The following PRR5L variants were observed in gnomAD, a reference collection of about 807,000 sequenced individuals.
PRR5L encodes proline rich 5 like.
A neutral mutation model predicts 36.4 loss-of-function variants in PRR5L; 21 were observed. The ratio of observed to expected loss-of-function variants is 0.58; its 90% CI spans 0.41 to 0.83. PRR5L has a LOEUF of 0.83. PRR5L is among the 40% of genes least tolerant of loss of function. The pLI, the probability that PRR5L is intolerant of heterozygous loss-of-function variation, is 0.00. For missense variants in PRR5L, 381 were observed against 473.3 expected (o/e 0.80, Z 1.81); for synonymous variants, 188 against 197.0 (o/e 0.95, Z 0.38).
intron 1 of PRR5L, among the ~76,000 whole-genome samples, chr11:36,358,034 T>G (rs1410275572): frequency 6.6e-6 from 1 of 152,214 alleles, no homozygotes; most frequent in African/African-American, 2.4e-5. Context: ...AACCTCAGCA[T>G]TAACAGGTGT....
intron 4 of PRR5L, among the ~76,000 whole-genome samples, chr11:36,426,322 A>G (rs1196688557): frequency 2.0e-5 from 3 of 147,316 alleles, no homozygotes; most frequent in African/African-American, 7.3e-5. Flanking sequence ...AACACTTCTA[A>G]TCTTTGTTAG....
chr11:36,454,730 C>G (rs1332086141), intron 8 of PRR5L: 1 of 152,382 alleles, frequency 6.6e-6, no homozygotes, highest in African/African-American at 2.4e-5. Flanking sequence ...CCCGGGGCTC[C>G]GCACTGCACC....
rs187225470 is a variant in PRR5L at position 36,457,798 on chromosome 11, T to C, written c.713-4544T>C. Among the ~76,000 whole-genome samples the C allele has an allele frequency of 7.9e-4, 121 of 152,320 alleles. 2 individuals are homozygous for C. Among genetic ancestry groups the C allele is most frequent in the Admixed American group, 5.5e-3 (84 of 15,308 alleles). The stretch of plus-strand genomic sequence containing the variant: ...CTCCCTAAACAGGTCTCGTCCTGTC[T>C]CCTGCTAGACTGGTTGTAGGGTTCA... On this transcript the variant is annotated intron_variant, in intron 8 of 8. Transcript: ENST00000530639.
chr11:36,346,190 G>T (rs762973415), intron 1 of PRR5L, among the ~76,000 whole-genome samples: 1 of 152,040 alleles, frequency 6.6e-6, no homozygotes, highest in African/African-American at 2.4e-5. Flanking sequence ...GCCCAGGCTG[G>T]TCTCAAACTC....
intron 1 of PRR5L, among the ~76,000 whole-genome samples, chr11:36,300,316 G>C (rs1458503748): frequency 6.6e-6 from 1 of 152,120 alleles, no homozygotes; most frequent in Non-Finnish European, 1.5e-5. Flanking sequence ...CACACGGTGA[G>C]AAAGGGTGCA....
intron 1 of PRR5L, among the ~76,000 whole-genome samples, chr11:36,307,367 C>T (rs1428359096): frequency 1.3e-5 from 2 of 152,212 alleles, no homozygotes; most frequent in African/African-American, 2.4e-5. Flanking sequence ...TGTTAAGACG[C>T]TTTCAACTTC....
At chr11:36,308,841 A>G (rs1856461757) in intron 1 of PRR5L, among the ~76,000 whole-genome samples, 2 of 152,224 alleles carry the variant, frequency 1.3e-5, no homozygotes, top group Non-Finnish European at 2.9e-5. Context: ...GACAGCCAAC[A>G]GAAGAGCATA....
chr11:36,358,934 G>A (rs939829514), intron 1 of PRR5L, among the ~76,000 whole-genome samples: 15 of 152,206 alleles, frequency 9.9e-5, no homozygotes, highest in Admixed American at 3.9e-4. Flanking sequence ...GAGATGTTTT[G>A]CATTTTACTT....
chr11:36,305,502 G>A (rs1431799643), intron 1 of PRR5L, among the ~76,000 whole-genome samples: 4 of 152,148 alleles, frequency 2.6e-5, no homozygotes, highest in African/African-American at 9.7e-5. Context: ...AAAAGCCATT[G>A]AATTGTATAC....
chr11:36,382,742 C>T (rs558795048), intron 1 of PRR5L, among the ~76,000 whole-genome samples: 8 of 152,316 alleles, frequency 5.3e-5, no homozygotes, highest in East Asian at 1.9e-4. Flanking sequence ...CCATGGCATC[C>T]TCCACTCTCA....
chr11:36,324,464 AAC>A (rs1315767110), intron 1 of PRR5L, among the ~76,000 whole-genome samples: 1 of 152,210 alleles, frequency 6.6e-6, no homozygotes, highest in Admixed American at 6.5e-5. Flanking sequence ...GGGTAGTGGT[AAC>A]ATCTGGGTGT....
chr11:36,336,319 TC>T (rs1383296409), intron 1 of PRR5L, among the ~76,000 whole-genome samples: 1 of 152,184 alleles, frequency 6.6e-6, no homozygotes, highest in African/African-American at 2.4e-5. Flanking sequence ...AACCTCCTTC[TC>T]CTGGGCTCAA....
In PRR5L at chr11:36,377,198, G is replaced by A. The variant is rs1361713783; in HGVS notation, c.-125-23799G>A. ...CCCCCTTTTTCTGGAGGGAGGCGTG[G>A]GAGAGAAGGGCAGGGCAGGGAGCCA... is the stretch of plus-strand genomic sequence containing the variant. On this transcript the variant is annotated intron_variant, in intron 1 of 8. Coordinates refer to ENST00000530639, the MANE Select transcript of PRR5L (RefSeq NM_001160167.2). The surrounding 1 kb of genome is among the most constrained non-coding windows in gnomAD (Gnocchi z 5.1). Among the ~76,000 whole-genome samples, 1 of 152,222 alleles carries A rather than the reference G, an allele frequency of 6.6e-6. No homozygotes were observed. Among genetic ancestry groups the A allele is most frequent in the East Asian group, 1.9e-4 (1 of 5,182 alleles).
At position 36,349,197 on chromosome 11, in the gene PRR5L, TA is replaced by T. The variant is rs567001821; in HGVS notation, c.-125-51799del. On this transcript the variant is annotated intron_variant, in intron 1 of 8. Coordinates refer to ENST00000530639, the MANE Select transcript of PRR5L (RefSeq NM_001160167.2). ...CACTTGGGAGGTTGAGGCAGGAGAA[TA>T]GCTTGAACCCGCGAGGCGGAGGTTG... 2.9e-4 allele frequency among the ~76,000 whole-genome samples: 42 copies of T among 145,256 alleles called. 1 individual carries two copies. Among genetic ancestry groups the T allele is most frequent in the African/African-American group, 1.1e-3 (42 of 38,906 alleles).
intron 4 of PRR5L, among the ~76,000 whole-genome samples, chr11:36,423,454 G>T (rs1180497244): frequency 6.6e-6 from 1 of 152,142 alleles, no homozygotes; most frequent in Non-Finnish European, 1.5e-5. Flanking sequence ...TTGGGACAAA[G>T]GTAGGACTTC....
chr11:36,383,789 G>A (rs1301321161), intron 1 of PRR5L, among the ~76,000 whole-genome samples: 1 of 148,044 alleles, frequency 6.8e-6, no homozygotes, highest in Non-Finnish European at 1.5e-5. Flanking sequence ...ACTGCCTCCC[G>A]GGTTCAAGTG....
chr11:36,401,243 C>A lies in PRR5L; in HGVS notation c.122C>A (p.Ala41Asp), dbSNP rs567974104. The A allele has an allele frequency of 3.1e-5, 50 of 1,613,280 alleles. No individual in the cohort carries two copies. The Middle Eastern group carries it at 6.6e-4, about 21-fold the overall frequency. ...AGCGACCTTCCCCGATTCCAAGCAGCTCGGCAGGCTCTGCAGCTGAGCTCC... is the reference window on the plus strand; with the variant it reads ...AGCGACCTTCCCCGATTCCAAGCAGATCGGCAGGCTCTGCAGCTGAGCTCC... ...VLSDLPRFQA[A>D]RQALQLSSSS... Residue 41 changes from alanine to aspartate, a missense_variant, in exon 2 of 9, where the codon GCT becomes GAT. Ala to Asp is a moderately radical substitution (Grantham distance 126, BLOSUM62 -2). Coordinates refer to ENST00000530639, the MANE Select transcript of PRR5L (RefSeq NM_001160167.2).
intron 1 of PRR5L, among the ~76,000 whole-genome samples, chr11:36,335,428 T>TG (rs1856759935): frequency 2.0e-5 from 3 of 151,550 alleles, no homozygotes; most frequent in African/African-American, 7.3e-5. Context: ...GTGTGGTGTT[T>TG]GGGGGGTAAT....
intron 6 of PRR5L, among the ~76,000 whole-genome samples, chr11:36,439,407 C>T (rs937895421): frequency 5.3e-5 from 8 of 152,194 alleles, no homozygotes; most frequent in Admixed American, 1.3e-4. Context: ...AGCTCTGTTT[C>T]AGTTCTCTTG....
Sources: allele counts gnomAD v4.1 joint callset (sites outside exome capture counted in the v4.1 genomes callset), GRCh38; gene constraint gnomAD v4.1.1; non-coding constraint Gnocchi (gnomAD v3.1); transcripts MANE v1.5; gene names NCBI Gene and HGNC (gene_info 2026-07-23, HGNC 2026-07-21).